Variants in PTPN9 observed in about 807,000 individuals in gnomAD.
The protein encoded by PTPN9 is tyrosine-protein phosphatase non-receptor type 9.
PTPN9 carries 26 observed loss-of-function variants against 69.8 expected under a neutral mutation model. The observed-to-expected ratio is 0.37, with a 90% CI of 0.27 to 0.52. PTPN9 has a LOEUF of 0.52. PTPN9 is among the 20% of genes least tolerant of loss of function. PTPN9 has a pLI of 0.91. For synonymous variants in PTPN9, 274 were observed against 272.5 expected (o/e 1.01, Z -0.05); for missense variants, 549 against 740.3 (o/e 0.74, Z 3.00).
chr15:75,514,980 C>T (rs2074862165), intron 5 of PTPN9, among the ~76,000 whole-genome samples: 1 of 152,156 alleles, frequency 6.6e-6, no homozygotes, highest in Admixed American at 6.6e-5. Context: ...CACAGTTTGA[C>T]ATTGTCTTAT....
Position 75,575,431 on chromosome 15 carries a change from T to C in PTPN9, c.63+3283A>G, listed in dbSNP as rs1193303024. Among the ~76,000 whole-genome samples the C allele has an allele frequency of 5.9e-5, 9 of 152,138 alleles. No individual in the cohort carries two copies. The South Asian group carries it at 1.9e-3, about 32-fold the overall frequency. On this transcript the variant is annotated intron_variant, in intron 1 of 12. Transcript: ENST00000618819. ...CAGAAATCAAACTGACTCTCAAAAG[T>C]ACAAGGATTTTCCTACACTGAAGAA...
At position 75,567,804 on chromosome 15, in the gene PTPN9, G is replaced by A. The variant is rs1316108250; in HGVS notation, c.63+10910C>T. Reference sequence around the variant, plus strand: ...AAGGTCAGGAGATCAATACCGTCCTGACTAACACGGTGAAACCCTGTCTCT... The same window carrying A: ...AAGGTCAGGAGATCAATACCGTCCTAACTAACACGGTGAAACCCTGTCTCT... On this transcript the variant is annotated intron_variant, in intron 1 of 12. Coordinates refer to ENST00000618819, the MANE Select transcript of PTPN9 (RefSeq NM_002833.4). Among the ~76,000 whole-genome samples the A allele has an allele frequency of 7.9e-5, 12 of 151,768 alleles. No homozygotes were observed. The East Asian group carries it at 2.4e-3, about 30-fold the overall frequency.
chr15:75,524,404 A>G, intron 2 of PTPN9, 106 bp from the exon 3 acceptor site: 1 of 572,004 alleles, frequency 1.7e-6, no homozygotes. Flanking sequence ...TCAATGAATG[A>G]ATGAATTATA....
chr15:75,562,115 A>G (rs113381793), intron 1 of PTPN9, among the ~76,000 whole-genome samples: 5 of 152,242 alleles, frequency 3.3e-5, no homozygotes, highest in African/African-American at 1.2e-4. Flanking sequence ...GGCTTCCCAC[A>G]GTACTGGGAT....
At chr15:75,554,782 TG>T (rs1473624047) in intron 1 of PTPN9, among the ~76,000 whole-genome samples, 2 of 152,224 alleles carry the variant, frequency 1.3e-5, no homozygotes, top group Non-Finnish European at 2.9e-5. Context: ...GCCTGTAATC[TG>T]GATGTCCTCA....
intron 8 of PTPN9, among the ~76,000 whole-genome samples, chr15:75,485,968 C>T (rs1012841377): frequency 1.3e-5 from 2 of 151,336 alleles, no homozygotes; most frequent in Non-Finnish European, 2.9e-5. Flanking sequence ...GGTGTGGTGG[C>T]GGGCGCCTGT....
Position 75,505,966 on chromosome 15 carries a change from A to T in PTPN9, c.677T>A (p.Leu226Gln). 1 of 1,613,974 alleles carries T rather than the reference A, an allele frequency of 6.2e-7. No individual in the cohort carries two copies. The highest frequency in any genetic ancestry group is 1.1e-5 in the South Asian group (1 of 91,074). The change falls in exon 7 of 13, where the codon CTG becomes CAG. Residue 226 changes from leucine to glutamine, a missense_variant. Leu to Gln is a moderately radical substitution (Grantham distance 113). Coordinates refer to ENST00000618819, the MANE Select transcript of PTPN9 (RefSeq NM_002833.4). ...GTTTTCTGGAAGACACTCCCTGGGC[A>T]GATGCTGCGTGACCTCAGATGTCTT... is the stretch of plus-strand genomic sequence containing the variant. ...ILKTSEVTQHLPRECLPENLG... is the reference protein window; with the variant it reads ...ILKTSEVTQHQPRECLPENLG...
chr15:75,508,304 C>T (rs573670252), intron 6 of PTPN9, among the ~76,000 whole-genome samples: 32 of 152,200 alleles, frequency 2.1e-4, no homozygotes, highest in African/African-American at 7.7e-4. Context: ...GCGATCTTCC[C>T]GCCTTGGCCT....
At chr15:75,549,495 T>A (rs998994728) in intron 1 of PTPN9, among the ~76,000 whole-genome samples, 1 of 152,142 alleles carries the variant, frequency 6.6e-6, no homozygotes, top group Non-Finnish European at 1.5e-5. Context: ...AGCCACCACA[T>A]CTGGCTAATT....
At chr15:75,528,092 G>A (rs994556087) in intron 1 of PTPN9, among the ~76,000 whole-genome samples, 3 of 152,150 alleles carry the variant, frequency 2.0e-5, no homozygotes, top group African/African-American at 7.2e-5. Flanking sequence ...TGTGCTAACT[G>A]ACCCCACTGG....
At chr15:75,551,794 T>TC (rs2141335506) in intron 1 of PTPN9, among the ~76,000 whole-genome samples, 1 of 152,140 alleles carries the variant, frequency 6.6e-6, no homozygotes, top group Non-Finnish European at 1.5e-5. Context: ...CTCAGCACTT[T>TC]GAGAGGCTGA....
Position 75,530,728 on chromosome 15 carries a change from T to TATA in PTPN9, c.64-3470_64-3468dup, listed in dbSNP as rs1318784119. Among the ~76,000 whole-genome samples, 26 of 22,236 alleles carry TATA rather than the reference T, an allele frequency of 1.2e-3. 3 individuals are homozygous for TATA. Among genetic ancestry groups the TATA allele is most frequent in the African/African-American group, 0.01 (24 of 2,294 alleles). The allele number at this position is 22,236 out of a possible 152,430, so 14.6% of individuals were successfully genotyped here. A position where few individuals can be genotyped will look rare whatever the true frequency, so the allele number is the denominator to read the frequency against. On this transcript the variant is annotated intron_variant, in intron 1 of 12. Coordinates refer to ENST00000618819, the MANE Select transcript of PTPN9 (RefSeq NM_002833.4). ...ATATATTATTATATAATATATATAATATATATTATTATATAATATATATAA... is the reference window on the plus strand; with the variant it reads ...ATATATTATTATATAATATATATAATATAATATATTATTATATAATATATATAA...
intron 1 of PTPN9, among the ~76,000 whole-genome samples, chr15:75,543,998 C>A (rs2075020712): frequency 6.6e-6 from 1 of 152,054 alleles, no homozygotes; most frequent in African/African-American, 2.4e-5. Context: ...GAGGCATTTG[C>A]CAATAGCATA....
chr15:75,483,946 C>T (rs552897485), intron 8 of PTPN9, among the ~76,000 whole-genome samples: 2 of 152,198 alleles, frequency 1.3e-5, no homozygotes, highest in Admixed American at 6.5e-5. Context: ...GCTGACCAAT[C>T]GTTACCTCCT....
chr15:75,475,442 G>A (rs991521007), intron 9 of PTPN9, among the ~76,000 whole-genome samples: 1 of 152,128 alleles, frequency 6.6e-6, no homozygotes, highest in Non-Finnish European at 1.5e-5. Flanking sequence ...AGCTGGGCAC[G>A]ATGGCAGGTG....
intron 1 of PTPN9, among the ~76,000 whole-genome samples, chr15:75,534,000 TTC>T (rs1310209543): frequency 2.6e-5 from 4 of 152,140 alleles, no homozygotes; most frequent in African/African-American, 7.2e-5. Flanking sequence ...AACAAAAAAC[TTC>T]TGTCTCCTGA....
At chr15:75,561,872 G>A (rs890840009) in intron 1 of PTPN9, among the ~76,000 whole-genome samples, 3 of 152,052 alleles carry the variant, frequency 2.0e-5, no homozygotes, top group African/African-American at 2.4e-5. Flanking sequence ...ACCATGCCAG[G>A]CTAATTTTGT....
chr15:75,507,780 C>T (rs2074827328), intron 6 of PTPN9, among the ~76,000 whole-genome samples: 1 of 147,482 alleles, frequency 6.8e-6, no homozygotes, highest in Non-Finnish European at 1.5e-5. Flanking sequence ...AAAGGTGGCT[C>T]ACGCTTGTAA....
intron 1 of PTPN9, among the ~76,000 whole-genome samples, chr15:75,549,772 C>CA (rs1476588002): frequency 6.6e-6 from 1 of 152,084 alleles, no homozygotes; most frequent in Non-Finnish European, 1.5e-5. Flanking sequence ...ACCACGGGTT[C>CA]AAAACCAGCC....
Sources: gnomAD v4.1 joint callset for allele counts (sites outside exome capture counted in the v4.1 genomes callset) on GRCh38, gnomAD v4.1.1 for gene constraint, MANE v1.5 for transcripts, NCBI Gene and HGNC (gene_info 2026-07-23, HGNC 2026-07-21) for gene names.